The following NLRC3 variants were observed in gnomAD, a reference collection of about 807,000 sequenced individuals.
NLRC3 encodes NLR family CARD domain containing 3, also known as NLR family CARD domain-containing protein 3.
In NLRC3, 87 loss-of-function variants were observed where a neutral mutation model predicts 91.6. The ratio of observed to expected loss-of-function variants is 0.95; its 90% CI spans 0.80 to 1.14. The LOEUF is 1.14. Among genes scored for constraint, NLRC3 ranks in the 50% most tolerant of loss-of-function variants. The pLI, the probability that NLRC3 is intolerant of heterozygous loss-of-function variation, is 0.00. For missense variants in NLRC3, 1,577 were observed against 1,418.6 expected, an observed-to-expected ratio of 1.11 and a Z score of -1.79; for synonymous variants, 694 against 625.3, an observed-to-expected ratio of 1.11 and a Z score of -1.64.
intron 1 of NLRC3, among the ~76,000 whole-genome samples, chr16:3,568,308 C>G (rs1190595609): frequency 2.0e-5 from 3 of 152,200 alleles, no homozygotes; most frequent in Admixed American, 1.3e-4. Context: ...GTTGCTGGCA[C>G]CCAGGCCAGC....
In NLRC3 at chr16:3,563,393, C is replaced by T. The variant is rs1402238408; in HGVS notation, c.1544G>A (p.Arg515His). 1.9e-6 allele frequency: 3 copies of T among 1,579,270 alleles called. No homozygotes were observed. Among genetic ancestry groups the T allele is most frequent in the East Asian group, 2.3e-5 (1 of 43,062 alleles). ...CGGAGACAAGAGGCCGGAGAGGAAG[C>T]GCAGGAACACGTCCAGCCTCCCGTC... ...AEDGRLDVFL[R>H]FLSGLLSPRV... The change falls in exon 5 of 20, where the codon CGC (arginine) becomes CAC (histidine). Residue 515 changes from arginine to histidine, a missense_variant. Physicochemically the swap from Arg to His is conservative, Grantham distance 29. Transcript: ENST00000359128.
At chr16:3,559,029 C>G (rs2039484384) in intron 6 of NLRC3, among the ~76,000 whole-genome samples, 7 of 152,200 alleles carry the variant, frequency 4.6e-5, no homozygotes, top group Admixed American at 4.6e-4. Context: ...GCCTTGGCCT[C>G]CCAAAGTGCT....
intron 18 of NLRC3, among the ~76,000 whole-genome samples, 154 bp downstream of exon 18, chr16:3,542,538 A>G (rs969713031): frequency 3.9e-5 from 6 of 152,210 alleles, no homozygotes; most frequent in Non-Finnish European, 5.9e-5. Flanking sequence ...CAACAAACCC[A>G]GCTGCAGTGG....
chr16:3,562,940 G>C (rs1327589995), intron 5 of NLRC3, 69 bp downstream of exon 5: 1 of 1,357,266 alleles, frequency 7.4e-7, no homozygotes, highest in Non-Finnish European at 1.0e-6. Flanking sequence ...GCTTGGTGGT[G>C]GGGAGGGGAC....
chr16:3,565,130 G>T, intron 3 of NLRC3, 70 bp from the exon 4 acceptor site: 2 of 1,233,464 alleles, frequency 1.6e-6, no homozygotes, highest in Non-Finnish European at 2.3e-6. Flanking sequence ...AGGTGAGCAA[G>T]TCCCCAGGAA....
At chr16:3,568,857 C>A (rs2039983560) in intron 1 of NLRC3, among the ~76,000 whole-genome samples, 1 of 151,962 alleles carries the variant, frequency 6.6e-6, no homozygotes, top group Non-Finnish European at 1.5e-5. Flanking sequence ...CTTGCCAGTT[C>A]CTTATTTGTA....
chr16:3,542,437 G>A (rs903995384), intron 18 of NLRC3, among the ~76,000 whole-genome samples, 163 bp from the exon 19 acceptor site: 5 of 152,210 alleles, frequency 3.3e-5, no homozygotes, highest in African/African-American at 1.2e-4. Flanking sequence ...AGGTGTCTAC[G>A]AGTGGCCAGA....
chr16:3,565,120 A>G (rs1316420060), intron 3 of NLRC3, 60 bp from the exon 4 acceptor site: 1 of 1,309,190 alleles, frequency 7.6e-7, no homozygotes, highest in African/African-American at 1.4e-5. Flanking sequence ...AGCCTGGGAC[A>G]GGTGAGCAAG....
rs35126359 is a variant in NLRC3 at position 3,574,007 on chromosome 16, CTTTTTTTTTTTT to C, written c.-169+3130_-169+3141del. Among the ~76,000 whole-genome samples, 86 of 40,420 alleles carry C rather than the reference CTTTTTTTTTTTT, an allele frequency of 2.1e-3. No homozygotes were observed. The East Asian group carries it at 0.024, about 11-fold the overall frequency. 26.5% of individuals were successfully genotyped at this position (40,420 alleles called of 152,430 possible). ...GCTTGGCCCATTGTAACCATTTTAT[CTTTTTTTTTTTT>C]TTTTTTTTTTTTTTTTTTTTTGAGA... On this transcript the variant is annotated intron_variant, in intron 1 of 19. Transcript: ENST00000359128.
Position 3,539,688 on chromosome 16 carries a change from G to T in NLRC3, c.*2137C>A, listed in dbSNP as rs575401888. 6.6e-6 allele frequency: 1 copy of T among 152,138 alleles called. No individual in the cohort carries two copies. Among genetic ancestry groups the T allele is most frequent in the East Asian group, 1.9e-4 (1 of 5,194 alleles). The allele number at this position is 152,138 out of a possible 1,614,324, so 9.4% of individuals were successfully genotyped here. ...CTGTCAATCTAGAAATCTCTGCCCC[G>T]CAAAAACTGTCATAAATACTGCAAG... On this transcript the variant is annotated 3_prime_UTR_variant, in exon 20 of 20. Coordinates refer to ENST00000359128, the MANE Select transcript of NLRC3 (RefSeq NM_178844.4).
chr16:3,550,437 C>A lies in NLRC3; in HGVS notation c.2412G>T (p.Val804=). The change falls in exon 11 of 20, where the codon GTG becomes GTT. Residue 804 remains valine (V), a synonymous_variant. Coordinates refer to ENST00000359128, the MANE Select transcript of NLRC3 (RefSeq NM_178844.4). Reference sequence around the variant, plus strand: ...ACTCCAGGCTCTCCAGGCCCTGGTTCACCTTCAGGGCCTCAGCCAGGGCCT... The same window carrying A: ...ACTCCAGGCTCTCCAGGCCCTGGTTAACCTTCAGGGCCTCAGCCAGGGCCT... ...GAKALAEALK[V]NQGLESLDLQ... 1 of 1,612,216 alleles carries A rather than the reference C, an allele frequency of 6.2e-7. No homozygotes were observed. Among genetic ancestry groups the A allele is most frequent in the Non-Finnish European group, 8.5e-7 (1 of 1,178,280 alleles).
At chr16:3,575,572 A>G (rs2040258181) in intron 1 of NLRC3, among the ~76,000 whole-genome samples, 1 of 152,186 alleles carries the variant, frequency 6.6e-6, no homozygotes, top group Non-Finnish European at 1.5e-5. Flanking sequence ...GGAGCCTCCC[A>G]GGTAGCACCA....
At chr16:3,552,897 G>A (rs1018970338) in intron 9 of NLRC3, among the ~76,000 whole-genome samples, 1 of 152,160 alleles carries the variant, frequency 6.6e-6, no homozygotes, top group Admixed American at 6.5e-5. Flanking sequence ...CCGAGATTAC[G>A]CCACTGCACT....
intron 17 of NLRC3, chr16:3,543,172 G>GC (rs993177292): frequency 2.9e-5 from 15 of 509,860 alleles, no homozygotes; most frequent in Middle Eastern, 5.4e-4. Context: ...AACAAGATCA[G>GC]CCCCCCTGGG....
At chr16:3,566,886 G>A (rs1039719949) in intron 2 of NLRC3, among the ~76,000 whole-genome samples, 8 of 152,138 alleles carry the variant, frequency 5.3e-5, no homozygotes, top group Non-Finnish European at 1.2e-4. Context: ...GCGAGACTCC[G>A]TAAGCCTAAA....
chr16:3,546,439 C>T (rs1225227731), intron 15 of NLRC3, among the ~76,000 whole-genome samples: 1 of 151,280 alleles, frequency 6.6e-6, no homozygotes, highest in African/African-American at 2.4e-5. Context: ...CACCTGTAAT[C>T]CCAGCTACTC....
intron 1 of NLRC3, among the ~76,000 whole-genome samples, chr16:3,575,842 G>T (rs890427649): frequency 4.6e-5 from 7 of 152,170 alleles, no homozygotes; most frequent in Admixed American, 2.0e-4. Context: ...TGCCTACCTG[G>T]GCTGCCAGTA....
intron 15 of NLRC3, chr16:3,544,824 C>CG (rs2038607823): frequency 6.3e-6 from 1 of 159,858 alleles, no homozygotes; most frequent in African/African-American, 2.4e-5. Context: ...TAACTAGAGA[C>CG]GGGGACTACA....
chr16:3,541,902 G>A lies in NLRC3; in HGVS notation c.3121C>T (p.His1041Tyr), dbSNP rs371781800. 13 of 1,608,014 alleles carry A rather than the reference G, an allele frequency of 8.1e-6. No individual in the cohort carries two copies. The African/African-American group carries it at 1.5e-4, about 18-fold the overall frequency. Residue 1041 changes from histidine (H) to tyrosine (Y), a missense_variant, in exon 20 of 20, where the codon CAC becomes TAC. Physicochemically the swap from His to Tyr is moderately conservative, Grantham distance 83. Transcript: ENST00000359128. ...ATCCTGGCCCCGGAGTCCCCAATGT[G>A]GTTTCCCTGGAGACTAGAAGAGTAG... ...RLQHINLQGNHIGDSGARMIS... is the reference protein window; with the variant it reads ...RLQHINLQGNYIGDSGARMIS...
Sources: gnomAD v4.1 joint callset for allele counts (sites outside exome capture counted in the v4.1 genomes callset) on GRCh38, gnomAD v4.1.1 for gene constraint, MANE v1.5 for transcripts, NCBI Gene and HGNC (gene_info 2026-07-23, HGNC 2026-07-21) for gene names.